The following BCKDHB variants were observed in gnomAD, a reference collection of about 807,000 sequenced individuals.
BCKDHB encodes the protein 2-oxoisovalerate dehydrogenase subunit beta, mitochondrial.
A neutral mutation model predicts 48.5 loss-of-function variants in BCKDHB; 41 were observed. The observed-to-expected ratio is 0.85, with a 90% CI of 0.66 to 1.10. The LOEUF (loss-of-function observed/expected upper bound fraction) is 1.10, where lower values mean the gene tolerates loss of function less well. Ranked by LOEUF, BCKDHB falls within the 50% of genes least tolerant of loss-of-function variation. The probability of loss-of-function intolerance (pLI) is 0.00; values close to 1 mark genes in which losing one functional copy is unlikely to be tolerated. For synonymous variants in BCKDHB, 201 were observed against 174.8 expected (o/e 1.15, Z -1.18); for missense variants, 496 against 494.2 (o/e 1.00, Z -0.03).
the BCKDHB span, among the ~76,000 whole-genome samples, chr6:80,446,651 A>G: frequency 6.6e-6 from 1 of 151,712 alleles, no homozygotes; most frequent in Non-Finnish European, 1.5e-5. Context: ...GGAAAGAAAC[A>G]CGAAAAGTGG....
chr6:80,183,771 A>G (rs1773519702), intron 6 of BCKDHB, among the ~76,000 whole-genome samples: 1 of 152,136 alleles, frequency 6.6e-6, no homozygotes, highest in African/African-American at 2.4e-5. Context: ...ACCCCTGGCA[A>G]ACACTGATAG....
rs140614439 is a variant in BCKDHB at position 80,299,968 on chromosome 6, T to C, written c.1038+26747T>C. 4.3e-3 allele frequency among the ~76,000 whole-genome samples: 653 copies of C among 151,840 alleles called. 5 individuals are homozygous for C. Among genetic ancestry groups the C allele is most frequent in the South Asian group, 0.011 (52 of 4,808 alleles). Reference sequence around the variant, plus strand: ...GTCTTCAGTAGACCCATATCACATGTAATGACATAGACAGACTCAAAGAAA... The same window carrying C: ...GTCTTCAGTAGACCCATATCACATGCAATGACATAGACAGACTCAAAGAAA... On this transcript the variant is annotated intron_variant, in intron 9 of 9. Transcript: ENST00000320393.
chr6:80,375,893 G>T, the BCKDHB span, among the ~76,000 whole-genome samples: 1 of 152,184 alleles, frequency 6.6e-6, no homozygotes, highest in African/African-American at 2.4e-5. Flanking sequence ...GGCTTCCTGA[G>T]AATTGGTTGT....
chr6:80,397,155 C>G, the BCKDHB span, among the ~76,000 whole-genome samples: 2 of 152,196 alleles, frequency 1.3e-5, no homozygotes, highest in Non-Finnish European at 2.9e-5. Flanking sequence ...TATTTGCCAG[C>G]CTTCAGAATT....
At chr6:80,361,250 C>A in the BCKDHB span, among the ~76,000 whole-genome samples, 1 of 152,050 alleles carries the variant, frequency 6.6e-6, no homozygotes, top group African/African-American at 2.4e-5. Flanking sequence ...ACATAATTAA[C>A]AAACTCAATA....
intron 6 of BCKDHB, among the ~76,000 whole-genome samples, chr6:80,181,917 C>T (rs891691909): frequency 3.3e-5 from 5 of 152,124 alleles, no homozygotes; most frequent in Admixed American, 2.0e-4. Context: ...AAAGTACAAA[C>T]AAAGATAAAA....
chr6:80,409,575 CATATATATATATATATATATAT>C, the BCKDHB span, among the ~76,000 whole-genome samples: 530 of 50,350 alleles, frequency 0.011, 13 homozygotes, highest in East Asian at 0.017. Flanking sequence ...GTATTGGTTG[CATATATATATATATATATATAT>C]ATATATATAT....
intron 8 of BCKDHB, among the ~76,000 whole-genome samples, chr6:80,229,332 C>T (rs777879343): frequency 1.3e-5 from 2 of 152,274 alleles, no homozygotes; most frequent in Non-Finnish European, 2.9e-5. Flanking sequence ...TTGTCACTGA[C>T]CACTGCTCTC....
intron 8 of BCKDHB, among the ~76,000 whole-genome samples, chr6:80,259,366 C>A (rs573578558): frequency 2.0e-5 from 3 of 152,178 alleles, no homozygotes; most frequent in African/African-American, 7.2e-5. Context: ...TAAAGTGATA[C>A]GCTTTGGCAT....
chr6:80,434,655 A>G, the BCKDHB span, among the ~76,000 whole-genome samples: 3 of 151,998 alleles, frequency 2.0e-5, no homozygotes, highest in African/African-American at 7.3e-5. Flanking sequence ...ATTCTTTTTC[A>G]GCTTTCTTAG....
At position 80,185,172 on chromosome 6, in the gene BCKDHB, T is replaced by C. The variant is rs531785150; in HGVS notation, c.742+13782T>C. Among the ~76,000 whole-genome samples, 10 of 152,284 alleles carry C rather than the reference T, an allele frequency of 6.6e-5. 1 individual carries two copies. In the South Asian group the frequency reaches 1.0e-3, roughly 16 times the overall value. On this transcript the variant is annotated intron_variant, in intron 6 of 9. Transcript: ENST00000320393. ...TAATTTGTAAGCCTTGTCTTTGAGC[T>C]CTGAAGTTCTTTCTTCTACTTGTTA...
At chr6:80,389,856 T>C in the BCKDHB span, among the ~76,000 whole-genome samples, 81,073 of 151,852 alleles carry the variant, frequency 0.53, 22,048 homozygotes, top group Non-Finnish European at 0.58. Context: ...CCAGGATTTA[T>C]GGGTCCAGGA....
the BCKDHB span, among the ~76,000 whole-genome samples, chr6:80,400,754 CACAT>C: frequency 1.3e-5 from 2 of 151,978 alleles, no homozygotes; most frequent in Non-Finnish European, 2.9e-5. Flanking sequence ...ACCGTAAAGA[CACAT>C]GCATGCATAT....
the BCKDHB span, among the ~76,000 whole-genome samples, chr6:80,407,560 T>C: frequency 1.4e-3 from 220 of 151,984 alleles, no homozygotes; most frequent in African/African-American, 4.5e-3. Context: ...TTCTTGAAGA[T>C]GTCCTTCACA....
intron 6 of BCKDHB, among the ~76,000 whole-genome samples, chr6:80,176,267 A>G (rs1009860491): frequency 6.6e-6 from 1 of 152,168 alleles, no homozygotes; most frequent in African/African-American, 2.4e-5. Context: ...ATAACCTGAA[A>G]TAAATGGTGT....
the BCKDHB span, among the ~76,000 whole-genome samples, chr6:80,406,749 G>T: frequency 2.6e-5 from 4 of 152,120 alleles, no homozygotes; most frequent in Non-Finnish European, 5.9e-5. Flanking sequence ...GTAGATTCTG[G>T]ATATTAGCTA....
intron 8 of BCKDHB, among the ~76,000 whole-genome samples, chr6:80,227,147 A>G (rs1775714057): frequency 1.3e-5 from 2 of 152,208 alleles, no homozygotes; most frequent in African/African-American, 4.8e-5. Flanking sequence ...AATACTCTAC[A>G]TGCATTTAAC....
chr6:80,175,174 A>C (rs544032992), intron 6 of BCKDHB, among the ~76,000 whole-genome samples: 1 of 152,156 alleles, frequency 6.6e-6, no homozygotes, highest in Non-Finnish European at 1.5e-5. Flanking sequence ...CCAGCTCCCA[A>C]TGCCACATAT....
At chr6:80,259,021 T>C (rs1777178163) in intron 8 of BCKDHB, among the ~76,000 whole-genome samples, 1 of 152,188 alleles carries the variant, frequency 6.6e-6, no homozygotes, top group African/African-American at 2.4e-5. Context: ...TGGGGAGTGG[T>C]ATCATATTGT....
Sources: allele counts gnomAD v4.1 joint callset (sites outside exome capture counted in the v4.1 genomes callset), GRCh38; gene constraint gnomAD v4.1.1; transcripts MANE v1.5; gene names NCBI Gene and HGNC (gene_info 2026-07-23, HGNC 2026-07-21).